The following AGMO variants were observed in gnomAD, a reference collection of about 807,000 sequenced individuals.
The protein encoded by AGMO is glyceryl-ether monooxygenase.
Under a neutral mutation model 60.2 loss-of-function variants are expected in AGMO, and 75 were observed. That is an observed-to-expected ratio of 1.25 (90% CI 1.03 to 1.51). The LOEUF (loss-of-function observed/expected upper bound fraction) is 1.51, where lower values mean the gene tolerates loss of function less well. AGMO is among the 40% of genes most tolerant of loss of function. The probability of loss-of-function intolerance (pLI) is 0.00; values close to 1 mark genes in which losing one functional copy is unlikely to be tolerated. For missense variants in AGMO, 763 were observed against 525.5 expected, an observed-to-expected ratio of 1.45 and a Z score of -4.42; for synonymous variants, 261 against 177.1, an observed-to-expected ratio of 1.47 and a Z score of -3.76.
the AGMO span, among the ~76,000 whole-genome samples, chr7:15,135,976 T>TTTA: frequency 2.5e-5 from 2 of 79,676 alleles, no homozygotes; most frequent in Non-Finnish European, 5.8e-5. Flanking sequence ...TATTTTTTCT[T>TTTA]TTCTTTTTTT....
intron 3 of AGMO, among the ~76,000 whole-genome samples, chr7:15,524,053 T>C (rs1784064360): frequency 6.6e-6 from 1 of 152,048 alleles, no homozygotes; most frequent in South Asian, 2.1e-4. Flanking sequence ...TTTGATATTT[T>C]TGTTGTGTAT....
intron 12 of AGMO, among the ~76,000 whole-genome samples, chr7:15,261,871 C>T (rs997027387): frequency 4.6e-5 from 7 of 151,920 alleles, no homozygotes; most frequent in Non-Finnish European, 8.8e-5. Flanking sequence ...AAATGTGATA[C>T]ACCACATAAA....
intron 12 of AGMO, among the ~76,000 whole-genome samples, chr7:15,339,529 T>C (rs986567436): frequency 3.9e-5 from 6 of 152,228 alleles, no homozygotes; most frequent in African/African-American, 1.4e-4. Context: ...CTCCAAACTT[T>C]GTCAATTTGC....
At chr7:15,299,830 TACACACACACACACACACACACACAC>T (rs756832586) in intron 12 of AGMO, among the ~76,000 whole-genome samples, 1 of 48,194 alleles carries the variant, frequency 2.1e-5, no homozygotes, top group Non-Finnish European at 3.5e-5. Flanking sequence ...TCTGTCTACA[TACACACACACACACACACACACACAC>T]ACACACACAC....
chr7:15,216,922 G>A (rs1170081859), intron 12 of AGMO, among the ~76,000 whole-genome samples: 2 of 151,014 alleles, frequency 1.3e-5, no homozygotes, highest in African/African-American at 4.9e-5. Context: ...AAATATAGAT[G>A]TACATATCTC....
intron 12 of AGMO, among the ~76,000 whole-genome samples, chr7:15,342,652 C>G (rs74930335): frequency 6.6e-6 from 1 of 151,448 alleles, no homozygotes; most frequent in African/African-American, 2.4e-5. Context: ...CCTGATTTTG[C>G]GCGCGTGTGT....
chr7:15,425,189 T>C (rs955833186), intron 4 of AGMO, among the ~76,000 whole-genome samples: 58 of 152,278 alleles, frequency 3.8e-4, no homozygotes, highest in African/African-American at 1.4e-3. Flanking sequence ...CAAACATTAA[T>C]TGATCGGTTC....
At chr7:15,313,157 C>T (rs1404528546) in intron 12 of AGMO, among the ~76,000 whole-genome samples, 1 of 152,128 alleles carries the variant, frequency 6.6e-6, no homozygotes, top group Non-Finnish European at 1.5e-5. Flanking sequence ...TTTAAGTACA[C>T]AAAGAAAACT....
At chr7:15,192,575 G>A in the AGMO span, among the ~76,000 whole-genome samples, 2 of 151,956 alleles carry the variant, frequency 1.3e-5, no homozygotes, top group South Asian at 4.2e-4. Context: ...GATTCTTCCC[G>A]GACACTGGAC....
chr7:15,459,591 ATGTGCGTTTG>A (rs1782085232), intron 3 of AGMO, among the ~76,000 whole-genome samples: 1 of 13,244 alleles, frequency 7.6e-5, no homozygotes. Flanking sequence ...AAATGTGTGT[ATGTGCGTTTG>A]TGTGTGTGTG....
At chr7:15,290,478 G>A (rs1784232581) in intron 12 of AGMO, among the ~76,000 whole-genome samples, 1 of 152,168 alleles carries the variant, frequency 6.6e-6, no homozygotes, top group Non-Finnish European at 1.5e-5. Context: ...TAAAGCCTAA[G>A]AGAAGATAAT....
intron 3 of AGMO, among the ~76,000 whole-genome samples, chr7:15,493,195 A>C (rs1031082857): frequency 2.8e-4 from 43 of 152,078 alleles, no homozygotes; most frequent in Non-Finnish European, 5.1e-4. Context: ...GACAAGGTAC[A>C]AGGAACTCCC....
intron 10 of AGMO, among the ~76,000 whole-genome samples, 197 bp from the exon 11 acceptor site, chr7:15,366,419 G>T (rs1370973207): frequency 6.6e-6 from 1 of 152,078 alleles, no homozygotes; most frequent in Admixed American, 6.6e-5. Context: ...GACACTTGGA[G>T]AATTAGACAA....
At chr7:15,346,973 T>TTAAG (rs2128552171) in intron 12 of AGMO, among the ~76,000 whole-genome samples, 1 of 152,166 alleles carries the variant, frequency 6.6e-6, no homozygotes, top group East Asian at 1.9e-4. Context: ...ATGTACTACA[T>TTAAG]TAAGATGAAT....
intron 12 of AGMO, among the ~76,000 whole-genome samples, chr7:15,221,968 CAACAA>C (rs1318275431): frequency 6.6e-6 from 1 of 152,052 alleles, no homozygotes; most frequent in African/African-American, 2.4e-5. Context: ...TCAAACTTCA[CAACAA>C]AACATATAGA....
chr7:15,237,048 A>T (rs1340962494), intron 12 of AGMO, among the ~76,000 whole-genome samples: 1 of 152,168 alleles, frequency 6.6e-6, no homozygotes, highest in African/African-American at 2.4e-5. Flanking sequence ...GATCCTTTGA[A>T]TACCTTTTTA....
the AGMO span, among the ~76,000 whole-genome samples, chr7:15,119,841 G>A: frequency 2.0e-4 from 31 of 151,548 alleles, no homozygotes; most frequent in African/African-American, 6.8e-4. Context: ...AGAACTTTTG[G>A]ATATTTCCAT....
chr7:15,547,691 A>C (rs1169431002), intron 2 of AGMO, among the ~76,000 whole-genome samples: 1 of 152,016 alleles, frequency 6.6e-6, no homozygotes, highest in East Asian at 1.9e-4. Flanking sequence ...GCTGATTGCT[A>C]GCACAGCAGT....
the AGMO span, among the ~76,000 whole-genome samples, chr7:15,124,865 T>C: frequency 1.3e-5 from 2 of 152,062 alleles, no homozygotes; most frequent in East Asian, 3.9e-4. Context: ...TGGAAGCACT[T>C]AAGTTATAAA....
Sources: allele counts gnomAD v4.1 joint callset (sites outside exome capture counted in the v4.1 genomes callset), GRCh38; gene constraint gnomAD v4.1.1; transcripts MANE v1.5; gene names NCBI Gene and HGNC (gene_info 2026-07-23, HGNC 2026-07-21).